MALRD1: variants seen among roughly 807,000 people sequenced by gnomAD.
MALRD1 encodes MAM and LDL-receptor class A domain-containing protein 1.
In MALRD1, 247 loss-of-function variants were observed where a neutral mutation model predicts 242.1. The ratio of observed to expected loss-of-function variants is 1.02; its 90% CI spans 0.92 to 1.13. The LOEUF is 1.13. MALRD1 is among the 50% of genes most tolerant of loss of function. The probability of loss-of-function intolerance (pLI) is 0.00; values close to 1 mark genes in which losing one functional copy is unlikely to be tolerated. For missense variants in MALRD1, 2,989 were observed against 2,533.1 expected (o/e 1.18, Z -3.86); for synonymous variants, 995 against 866.6 (o/e 1.15, Z -2.60).
chr10:19,278,299 C>A (rs530329391), intron 19 of MALRD1, among the ~76,000 whole-genome samples: 158 of 152,348 alleles, frequency 1.0e-3, no homozygotes, highest in Non-Finnish European at 1.7e-3. Context: ...GCTCATCAAC[C>A]TTTGAAAGTT....
intron 38 of MALRD1, among the ~76,000 whole-genome samples, chr10:19,718,668 T>C (rs1221945097): frequency 6.6e-6 from 1 of 152,176 alleles, no homozygotes; most frequent in Non-Finnish European, 1.5e-5. Context: ...AAACATTCTT[T>C]AAAGCATGAC....
At chr10:19,707,008 CCTT>C (rs201129662) in intron 38 of MALRD1, among the ~76,000 whole-genome samples, 1 of 151,300 alleles carries the variant, frequency 6.6e-6, no homozygotes, top group Non-Finnish European at 1.5e-5. Context: ...TCCTCCTCCT[CCTT>C]CTTCTCTTCC....
At chr10:19,315,875 GTTATA>G (rs1043916921) in intron 21 of MALRD1, among the ~76,000 whole-genome samples, 12 of 147,050 alleles carry the variant, frequency 8.2e-5, no homozygotes, top group African/African-American at 3.0e-4. Flanking sequence ...CTTATAAATA[GTTATA>G]TTATTTTACT....
chr10:19,728,774 T>C (rs1054475562), intron 38 of MALRD1, among the ~76,000 whole-genome samples: 1 of 152,224 alleles, frequency 6.6e-6, no homozygotes, highest in African/African-American at 2.4e-5. Flanking sequence ...ATTTCAAAAC[T>C]ACACTTCACT....
intron 1 of MALRD1, among the ~76,000 whole-genome samples, chr10:19,059,285 T>C (rs1453404071): frequency 3.3e-5 from 5 of 151,482 alleles, no homozygotes; most frequent in Non-Finnish European, 5.9e-5. Context: ...GCACATAAAA[T>C]ATGAGCTGGA....
intron 17 of MALRD1, 41 bp downstream of exon 17, chr10:19,205,306 A>G (rs1231229810): frequency 6.7e-7 from 1 of 1,498,800 alleles, no homozygotes; most frequent in East Asian, 2.5e-5. Flanking sequence ...TCTCATTTTG[A>G]AAGTGTTGAC....
chr10:19,440,533 C>G (rs1834582857), intron 28 of MALRD1, among the ~76,000 whole-genome samples: 1 of 152,078 alleles, frequency 6.6e-6, no homozygotes, highest in Non-Finnish European at 1.5e-5. Flanking sequence ...GTGATGTTCC[C>G]CACCCTGTGT....
chr10:19,581,032 A>G (rs1413240978), intron 33 of MALRD1, among the ~76,000 whole-genome samples: 1 of 152,266 alleles, frequency 6.6e-6, no homozygotes, highest in East Asian at 1.9e-4. Flanking sequence ...CTCTTTCCCT[A>G]TTACAGAGGA....
At chr10:19,179,116 C>T (rs1349602250) in intron 14 of MALRD1, among the ~76,000 whole-genome samples, 1 of 152,044 alleles carries the variant, frequency 6.6e-6, no homozygotes, top group Admixed American at 6.5e-5. Flanking sequence ...ATGTATCTAG[C>T]CAGTCATAGA....
intron 28 of MALRD1, among the ~76,000 whole-genome samples, chr10:19,440,134 A>T (rs913256018): frequency 1.3e-5 from 2 of 152,208 alleles, no homozygotes; most frequent in Admixed American, 6.5e-5. Flanking sequence ...TAAATTGTTT[A>T]AAAAGATCTC....
At chr10:19,370,647 A>C (rs552193394) in intron 26 of MALRD1, among the ~76,000 whole-genome samples, 2 of 152,220 alleles carry the variant, frequency 1.3e-5, no homozygotes, top group South Asian at 4.1e-4. Context: ...GTGTAAACTC[A>C]GTTCACTTCA....
At chr10:19,067,947 T>C (rs1436738327) in intron 2 of MALRD1, among the ~76,000 whole-genome samples, 1 of 152,106 alleles carries the variant, frequency 6.6e-6, no homozygotes, top group Non-Finnish European at 1.5e-5. Context: ...TAACCATTTT[T>C]AGGAATCAGC....
At chr10:19,476,137 G>A (rs2131157540) in intron 29 of MALRD1, among the ~76,000 whole-genome samples, 1 of 152,234 alleles carries the variant, frequency 6.6e-6, no homozygotes, top group African/African-American at 2.4e-5. Flanking sequence ...AGAAACAATT[G>A]TGGAAGCCAT....
chr10:19,527,727 G>A, intron 31 of MALRD1, among the ~76,000 whole-genome samples: 1 of 152,044 alleles, frequency 6.6e-6, no homozygotes, highest in East Asian at 1.9e-4. Flanking sequence ...ATCCAATATA[G>A]GATGAATATA....
chr10:19,331,568 C>T lies in MALRD1; in HGVS notation c.3887C>T (p.Thr1296Ile). 1 of 1,550,066 alleles carries T rather than the reference C, an allele frequency of 6.5e-7. No homozygotes were observed. Among genetic ancestry groups the T allele is most frequent in the Non-Finnish European group, 8.7e-7 (1 of 1,146,658 alleles). The change falls in exon 24 of 40, where the codon ACT becomes ATT. Residue 1296 changes from threonine (T) to isoleucine (I), a missense_variant. By Grantham distance (89) the Thr-to-Ile change is moderately conservative (BLOSUM62 -1). Transcript: ENST00000454679. ...VNDCADNSDE[T>I]TFICRTSSGR... The stretch of plus-strand genomic sequence containing the variant: ...GATTGTGCTGATAATTCAGATGAGA[C>T]TACTTTCATTTGCCGTAAGTAAAAG...
chr10:19,435,455 T>A (rs1834316352), intron 28 of MALRD1, among the ~76,000 whole-genome samples: 1 of 152,192 alleles, frequency 6.6e-6, no homozygotes, highest in Non-Finnish European at 1.5e-5. Context: ...AGCCTCCTGC[T>A]GGTTGTGACA....
intron 1 of MALRD1, among the ~76,000 whole-genome samples, chr10:19,058,187 G>T (rs1834723008): frequency 6.6e-6 from 1 of 152,282 alleles, no homozygotes; most frequent in Admixed American, 6.5e-5. Flanking sequence ...AACGCCAGAG[G>T]ACACAGAGCT....
At chr10:19,641,026 A>G (rs967963443) in intron 36 of MALRD1, among the ~76,000 whole-genome samples, 3 of 152,178 alleles carry the variant, frequency 2.0e-5, no homozygotes, top group African/African-American at 7.2e-5. Context: ...ACTTTTACTA[A>G]TGGTCCCTTG....
chr10:19,643,682 A>G (rs75889280), intron 36 of MALRD1, among the ~76,000 whole-genome samples: 2,518 of 152,312 alleles, frequency 0.017, 28 homozygotes, highest in Admixed American at 0.026. Context: ...AAGTAGAATC[A>G]TATTTATTAG....
Sources: allele counts gnomAD v4.1 joint callset (sites outside exome capture counted in the v4.1 genomes callset), GRCh38; gene constraint gnomAD v4.1.1; transcripts MANE v1.5; gene names NCBI Gene and HGNC (gene_info 2026-07-23, HGNC 2026-07-21).